MT1H: variants seen among roughly 807,000 people sequenced by gnomAD.
MT1H encodes the protein metallothionein 1H.
MT1H carries 8 observed loss-of-function variants against 8.7 expected under a neutral mutation model. The observed-to-expected ratio is 0.92, with a 90% confidence interval of 0.54 to 1.66. The LOEUF is 1.66. Among genes scored for constraint, MT1H ranks in the 40% most tolerant of loss-of-function variants. MT1H has a pLI of 0.00. For missense variants in MT1H, 84 were observed against 75.2 expected (o/e 1.12, Z -0.43); for synonymous variants, 32 against 28.9 (o/e 1.11, Z -0.34).
intron 1 of MT1H, 30 bp downstream of exon 1, chr16:56,669,942 G>A (rs1205546704): frequency 1.2e-6 from 2 of 1,613,786 alleles, no homozygotes; most frequent in Non-Finnish European, 1.7e-6. Context: ...TGTGCCTTAG[G>A]ATGCCAAATT....
intron 1 of MT1H, 50 bp downstream of exon 1, chr16:56,669,962 C>T (rs1567354839): frequency 1.9e-6 from 3 of 1,612,126 alleles, no homozygotes; most frequent in East Asian, 2.2e-5. Flanking sequence ...TCCCAGACAC[C>T]ATAGAGAGTG....
intron 1 of MT1H, among the ~76,000 whole-genome samples, chr16:56,670,184 C>G (rs1220175642): frequency 6.6e-6 from 1 of 152,230 alleles, no homozygotes; most frequent in Non-Finnish European, 1.5e-5. Context: ...ATTCTCTAAC[C>G]AGGCTCTGAG....
Position 56,669,851 on chromosome 16 carries a change from T to C in MT1H, c.-34T>C, listed in dbSNP as rs1960847641. ...ACGTGTTCCACTGCCTCTTCTCTTC[T>C]CGCTTGGGAACTCCAGTCTCACCTC... On this transcript the variant is annotated 5_prime_UTR_variant, in exon 1 of 3. Coordinates refer to ENST00000332374, the MANE Select transcript of MT1H (RefSeq NM_005951.2). 9 of 1,614,104 alleles carry C rather than the reference T, an allele frequency of 5.6e-6. No homozygotes were observed. The highest frequency in any genetic ancestry group is 1.3e-5 in the African/African-American group (1 of 75,042).
At chr16:56,670,709 C>A in intron 2 of MT1H, 138 bp downstream of exon 2, 1 of 1,545,262 alleles carries the variant, frequency 6.5e-7, no homozygotes. Flanking sequence ...GTCCAGGGCT[C>A]CTGTGGGGCT....
Position 56,670,961 on chromosome 16 carries a change from C to T in MT1H, c.158C>T (p.Ala53Val), listed in dbSNP as rs767062796. Residue 53 changes from alanine (A) to valine (V), a missense_variant, in exon 3 of 3, where the codon GCG (alanine) becomes GTG (valine). Ala to Val is a moderately conservative substitution (Grantham distance 64, BLOSUM62 0). Coordinates refer to ENST00000332374, the MANE Select transcript of MT1H (RefSeq NM_005951.2). ...GCCCAGGGCTGCATCTGCAAAGGGG[C>T]GTCAGAGAAGTGCAGCTGCTGTGCC... ...KCAQGCICKG[A>V]SEKCSCCA 6 of 1,614,238 alleles carry T rather than the reference C, an allele frequency of 3.7e-6. No individual in the cohort carries two copies. The highest frequency in any genetic ancestry group is 2.5e-6 in the Non-Finnish European group (3 of 1,180,042).
Position 56,669,968 on chromosome 16 carries a change from G to A in MT1H, c.28+56G>A, listed in dbSNP as rs1419606533. The A allele has an allele frequency of 9.3e-6, 15 of 1,611,140 alleles. No homozygotes were observed. In the African/African-American group the frequency reaches 1.9e-4, roughly 20 times the overall value. ...ATGCCAAATTCCCAGACACCATAGAGAGTGTCCCTGGGTTTGAGGAGGTCA... is the reference window on the plus strand; with the variant it reads ...ATGCCAAATTCCCAGACACCATAGAAAGTGTCCCTGGGTTTGAGGAGGTCA... On this transcript the variant is annotated intron_variant, in intron 1 of 2. Transcript: ENST00000332374.
In MT1H at chr16:56,669,923, C is replaced by G; in HGVS notation, c.28+11C>G. Reference sequence around the variant, plus strand: ...GCTCCTGCGAGGCTGGTAAGGAACGCCCGGGTTCTGTGCCTTAGGATGCCA... The same window carrying G: ...GCTCCTGCGAGGCTGGTAAGGAACGGCCGGGTTCTGTGCCTTAGGATGCCA... On this transcript the variant is annotated intron_variant, in intron 1 of 2. Coordinates refer to ENST00000332374, the MANE Select transcript of MT1H (RefSeq NM_005951.2). 1.2e-6 allele frequency: 2 copies of G among 1,613,844 alleles called. No individual in the cohort carries two copies. The highest frequency in any genetic ancestry group is 1.7e-6 in the Non-Finnish European group (2 of 1,179,994).
At chr16:56,670,372 C>T (rs1177116322) in intron 1 of MT1H, 134 bp from the exon 2 acceptor site, 10 of 1,349,526 alleles carry the variant, frequency 7.4e-6, no homozygotes, top group Admixed American at 2.0e-5. Flanking sequence ...TGGGTCTTCT[C>T]TTCTTCTGCT....
chr16:56,671,067 T>A lies in MT1H; in HGVS notation c.*78T>A. The stretch of plus-strand genomic sequence containing the variant: ...GATTTTTTTTTTCTACAACTCCGAC[T>A]CATTTGCTACATTCCTTTTTTTCTG... On this transcript the variant is annotated 3_prime_UTR_variant, in exon 3 of 3. Transcript: ENST00000332374. 6.5e-7 allele frequency: 1 copy of A among 1,528,984 alleles called. No individual in the cohort carries two copies. Among genetic ancestry groups the A allele is most frequent in the South Asian group, 1.2e-5 (1 of 82,110 alleles). 94.7% of individuals were successfully genotyped at this position (1,528,984 alleles called of 1,614,324 possible). A position where few individuals can be genotyped will look rare whatever the true frequency, so the allele number is the denominator to read the frequency against.
chr16:56,669,894 A>G lies in MT1H; in HGVS notation c.10A>G (p.Asn4Asp). 6.2e-7 allele frequency: 1 copy of G among 1,614,124 alleles called. No homozygotes were observed. The highest frequency in any genetic ancestry group is 8.5e-7 in the Non-Finnish European group (1 of 1,180,008). Residue 4 changes from asparagine to aspartate, a missense_variant, in exon 1 of 3, where the codon AAC (asparagine) becomes GAC (aspartate). By Grantham distance (23) the Asn-to-Asp change is conservative. Coordinates refer to ENST00000332374, the MANE Select transcript of MT1H (RefSeq NM_005951.2). MDPNCSCEAGGSCA... is the reference protein window; with the variant it reads MDPDCSCEAGGSCA... The stretch of plus-strand genomic sequence containing the variant: ...CTCACCTCGGCTTGCAATGGACCCC[A>G]ACTGCTCCTGCGAGGCTGGTAAGGA...
At position 56,669,864 on chromosome 16, in the gene MT1H, CCA is replaced by C; in HGVS notation, c.-20_-19del. The C allele has an allele frequency of 6.2e-7, 1 of 1,614,166 alleles. No homozygotes were observed. Among genetic ancestry groups the C allele is most frequent in the Non-Finnish European group, 8.5e-7 (1 of 1,180,024 alleles). On this transcript the variant is annotated 5_prime_UTR_variant, in exon 1 of 3. Coordinates refer to ENST00000332374, the MANE Select transcript of MT1H (RefSeq NM_005951.2). ...CCTCTTCTCTTCTCGCTTGGGAACT[CCA>C]GTCTCACCTCGGCTTGCAATGGACC...
chr16:56,669,946 C>A lies in MT1H; in HGVS notation c.28+34C>A, dbSNP rs767541898. On this transcript the variant is annotated intron_variant, in intron 1 of 2. Transcript: ENST00000332374. ...CGCCCGGGTTCTGTGCCTTAGGATG[C>A]CAAATTCCCAGACACCATAGAGAGT... is the stretch of plus-strand genomic sequence containing the variant. The A allele has an allele frequency of 4.3e-6, 7 of 1,613,754 alleles. No homozygotes were observed. The South Asian group carries it at 7.7e-5, about 18-fold the overall frequency.
chr16:56,670,061 T>A, intron 1 of MT1H, 149 bp downstream of exon 1: 1 of 1,136,450 alleles, frequency 8.8e-7, no homozygotes, highest in Non-Finnish European at 1.3e-6. Context: ...GCCAAGCTCC[T>A]GAGAGCATGT....
At chr16:56,670,040 C>A in intron 1 of MT1H, 128 bp downstream of exon 1, 1 of 1,335,860 alleles carries the variant, frequency 7.5e-7, no homozygotes, top group Non-Finnish European at 1.1e-6. Flanking sequence ...TCCTCCGCTG[C>A]TTTCCTCTTG....
intron 2 of MT1H, 146 bp downstream of exon 2, chr16:56,670,717 G>A (rs768844667): frequency 2.2e-5 from 33 of 1,530,156 alleles, no homozygotes; most frequent in Non-Finnish European, 2.9e-5. Flanking sequence ...CTCCTGTGGG[G>A]CTGGGCAGTC....
At chr16:56,670,000 G>A in intron 1 of MT1H, 88 bp downstream of exon 1, 1 of 1,572,052 alleles carries the variant, frequency 6.4e-7, no homozygotes, top group Non-Finnish European at 8.7e-7. Context: ...GTCATATTTT[G>A]CGATCTGAGC....
chr16:56,670,481 C>A, intron 1 of MT1H, 25 bp from the exon 2 acceptor site: 2 of 1,614,242 alleles, frequency 1.2e-6, no homozygotes, highest in South Asian at 2.2e-5. Context: ...ACTCACAACA[C>A]ACTGGCTTTT....
In MT1H at chr16:56,670,527, G is replaced by C. The variant is rs371466691; in HGVS notation, c.50G>C (p.Gly17Ala). 1 of 1,614,254 alleles carries C rather than the reference G, an allele frequency of 6.2e-7. No homozygotes were observed. Among genetic ancestry groups the C allele is most frequent in the East Asian group, 2.2e-5 (1 of 44,886 alleles). ...GCAGGTGGCTCCTGCGCCTGCGCCG[G>C]CTCCTGCAAGTGCAAAAAGTGCAAA... The part of the protein sequence containing the change: ...CEAGGSCACA[G>A]SCKCKKCKCT... The change falls in exon 2 of 3, where the codon GGC becomes GCC. Residue 17 changes from glycine to alanine, a missense_variant. Gly to Ala is a moderately conservative substitution (Grantham distance 60, BLOSUM62 0). Transcript: ENST00000332374.
At chr16:56,670,428 G>A (rs1361933658) in intron 1 of MT1H, 78 bp from the exon 2 acceptor site, 96 of 1,601,602 alleles carry the variant, frequency 6.0e-5, no homozygotes, top group Non-Finnish European at 7.2e-5. Flanking sequence ...AGAGAAGGGG[G>A]AAGTGGACAC....
Sources: gnomAD v4.1 joint callset for allele counts (sites outside exome capture counted in the v4.1 genomes callset) on GRCh38, gnomAD v4.1.1 for gene constraint, MANE v1.5 for transcripts, NCBI Gene and HGNC (gene_info 2026-07-23, HGNC 2026-07-21) for gene names.